Variants in RGL1 observed in about 807,000 individuals in gnomAD.
RGL1 encodes ral guanine nucleotide dissociation stimulator-like 1.
Under a neutral mutation model 95.2 loss-of-function variants are expected in RGL1, and 24 were observed. The ratio of observed to expected loss-of-function variants is 0.25; its 90% CI spans 0.18 to 0.35. RGL1 has a LOEUF of 0.35. Among genes scored for constraint, RGL1 ranks in the 10% least tolerant of loss-of-function variants. The probability of loss-of-function intolerance (pLI) is 1.00; values close to 1 mark genes in which losing one functional copy is unlikely to be tolerated. For missense variants in RGL1, 715 were observed against 936.3 expected (o/e 0.76, Z 3.08); for synonymous variants, 329 against 344.9 (o/e 0.95, Z 0.51).
intron 1 of RGL1, among the ~76,000 whole-genome samples, chr1:183,713,751 A>T (rs1024149960): frequency 1.3e-5 from 2 of 152,150 alleles, no homozygotes; most frequent in Admixed American, 6.5e-5. Flanking sequence ...ACTGTGAGAA[A>T]TCATTTCTGT....
chr1:183,681,738 T>C (rs772502694), intron 1 of RGL1, among the ~76,000 whole-genome samples: 5 of 152,338 alleles, frequency 3.3e-5, no homozygotes, highest in Non-Finnish European at 7.4e-5. Context: ...TGGAATAGTT[T>C]CAGACAGAAT....
intron 1 of RGL1, among the ~76,000 whole-genome samples, chr1:183,700,845 G>T (rs930701096): frequency 2.6e-5 from 4 of 151,924 alleles, no homozygotes; most frequent in Admixed American, 2.0e-4. Flanking sequence ...TGCCTGGCCT[G>T]TCATCTAGGT....
At chr1:183,714,515 A>G (rs1655496896) in intron 1 of RGL1, among the ~76,000 whole-genome samples, 1 of 152,204 alleles carries the variant, frequency 6.6e-6, no homozygotes, top group African/African-American at 2.4e-5. Flanking sequence ...ACATTAGTGA[A>G]CAAATAGAAT....
rs781524660 is a variant in RGL1, at chr1:183,823,099, A to G, written c.138+16614A>G. Among the ~76,000 whole-genome samples, 17 of 152,170 alleles carry G rather than the reference A, an allele frequency of 1.1e-4. 1 individual carries two copies. The highest frequency in any genetic ancestry group is 3.3e-4 in the Admixed American group (5 of 15,278). ...GTACTTCTTTTTTTTAACACCACAC[A>G]TAATCTTCTTAGAATGAACTGTATG... is the stretch of plus-strand genomic sequence containing the variant. On this transcript the variant is annotated intron_variant, in intron 2 of 17. Transcript: ENST00000360851.
At chr1:183,685,987 G>A (rs77704532) in intron 1 of RGL1, among the ~76,000 whole-genome samples, 1,924 of 152,186 alleles carry the variant, frequency 0.013, 48 homozygotes, top group African/African-American at 0.044. Flanking sequence ...TGCTTTTTAC[G>A]TTATCAACAC....
intron 8 of RGL1, among the ~76,000 whole-genome samples, chr1:183,889,363 T>G (rs2102663170): frequency 6.6e-6 from 1 of 152,248 alleles, no homozygotes; most frequent in African/African-American, 2.4e-5. Flanking sequence ...AGTCAGGAAG[T>G]TAGGCTATAT....
At chr1:183,647,329 GT>G (rs1395844158) in intron 1 of RGL1, 3 of 165,884 alleles carry the variant, frequency 1.8e-5, no homozygotes, top group Non-Finnish European at 3.9e-5. Flanking sequence ...ACAAATTTAG[GT>G]AGCTATTTTG....
At chr1:183,720,687 C>A (rs1350516336) in intron 1 of RGL1, among the ~76,000 whole-genome samples, 1 of 152,090 alleles carries the variant, frequency 6.6e-6, no homozygotes, top group East Asian at 1.9e-4. Context: ...AGTCCTGGAA[C>A]CTAATGTGTG....
chr1:183,670,887 G>A (rs957615028), intron 1 of RGL1, among the ~76,000 whole-genome samples: 4 of 152,180 alleles, frequency 2.6e-5, no homozygotes, highest in Admixed American at 6.5e-5. Context: ...ATTGTTTCTA[G>A]TGTTGGGCTA....
chr1:183,871,175 G>A (rs746436181), intron 4 of RGL1, among the ~76,000 whole-genome samples: 3 of 152,128 alleles, frequency 2.0e-5, no homozygotes, highest in Non-Finnish European at 4.4e-5. Flanking sequence ...CGGTACCTTC[G>A]ACCACTTTTC....
chr1:183,657,058 GTTCCA>G (rs1651223512), intron 1 of RGL1, among the ~76,000 whole-genome samples: 1 of 149,772 alleles, frequency 6.7e-6, no homozygotes, highest in Admixed American at 6.6e-5. Context: ...GTCTTTTGTA[GTTCCA>G]TATGAATTTT....
chr1:183,863,373 T>G (rs1665635373), intron 3 of RGL1, among the ~76,000 whole-genome samples: 1 of 152,138 alleles, frequency 6.6e-6, no homozygotes, highest in South Asian at 2.1e-4. Flanking sequence ...TGCTATGTGT[T>G]GCCCAGGCTA....
intron 2 of RGL1, among the ~76,000 whole-genome samples, chr1:183,768,624 A>G (rs1362940275): frequency 6.6e-6 from 1 of 151,476 alleles, no homozygotes; most frequent in East Asian, 1.9e-4. Flanking sequence ...ATGTGCCACC[A>G]CACCTGGCTA....
intron 2 of RGL1, among the ~76,000 whole-genome samples, chr1:183,822,342 G>A (rs922472383): frequency 2.0e-5 from 2 of 99,612 alleles, no homozygotes; most frequent in African/African-American, 5.7e-5. Flanking sequence ...GCCCACAAAA[G>A]CCACCAAACA....
chr1:183,639,616 T>G (rs1020958677), intron 1 of RGL1, among the ~76,000 whole-genome samples: 3 of 152,068 alleles, frequency 2.0e-5, no homozygotes, highest in African/African-American at 7.2e-5. Flanking sequence ...AGTTTTTCCT[T>G]TACATAATTT....
At chr1:183,816,874 C>T (rs565900625) in intron 2 of RGL1, among the ~76,000 whole-genome samples, 5 of 152,242 alleles carry the variant, frequency 3.3e-5, no homozygotes, top group East Asian at 3.9e-4. Context: ...CTGCTACCAC[C>T]GTTGTCCCCA....
chr1:183,683,882 C>T (rs1414469917), intron 1 of RGL1, among the ~76,000 whole-genome samples: 3 of 152,096 alleles, frequency 2.0e-5, no homozygotes, highest in Non-Finnish European at 4.4e-5. Flanking sequence ...TCTGTTTTCT[C>T]TAATCTTGTC....
intron 1 of RGL1, among the ~76,000 whole-genome samples, chr1:183,729,235 A>G (rs1656490334): frequency 6.6e-6 from 1 of 152,040 alleles, no homozygotes; most frequent in African/African-American, 2.4e-5. Context: ...AAGGACTGAT[A>G]TCTAGAATAT....
At chr1:183,692,226 G>T (rs10911410) in intron 1 of RGL1, among the ~76,000 whole-genome samples, 2 of 152,178 alleles carry the variant, frequency 1.3e-5, no homozygotes, top group Admixed American at 1.3e-4. Flanking sequence ...TAGGGACGAG[G>T]TTGGAATGAG....
Sources: allele counts gnomAD v4.1 joint callset (sites outside exome capture counted in the v4.1 genomes callset), GRCh38; gene constraint gnomAD v4.1.1; transcripts MANE v1.5; gene names NCBI Gene and HGNC (gene_info 2026-07-23, HGNC 2026-07-21).